The following OR6N1 variants were observed in gnomAD, a reference collection of about 807,000 sequenced individuals.
OR6N1 encodes the protein olfactory receptor family 6 subfamily N member 1, also known as olfactory receptor 6N1.
For missense variants in OR6N1, 394 were observed against 371.7 expected (o/e 1.06, Z -0.49); for synonymous variants, 170 against 150.7 (o/e 1.13, Z -0.94).
At chr1:158,802,199 C>CTT in the OR6N1 span, among the ~76,000 whole-genome samples, 47 of 105,196 alleles carry the variant, frequency 4.5e-4, no homozygotes, top group Non-Finnish European at 7.1e-4. Flanking sequence ...CCTCATAGCA[C>CTT]TTTTTTTTTT....
the OR6N1 span, among the ~76,000 whole-genome samples, chr1:158,807,576 TCAC>T: frequency 2.8e-3 from 431 of 152,284 alleles, 16 homozygotes; most frequent in East Asian, 0.078. Flanking sequence ...CTACATTTGG[TCAC>T]ATAATAACCC....
the OR6N1 span, among the ~76,000 whole-genome samples, chr1:158,826,170 T>C: frequency 6.6e-6 from 1 of 151,992 alleles, no homozygotes; most frequent in South Asian, 2.1e-4. Flanking sequence ...CTATTACATA[T>C]CATGCTAATT....
chr1:158,807,150 G>A, the OR6N1 span, among the ~76,000 whole-genome samples: 2 of 152,036 alleles, frequency 1.3e-5, no homozygotes, highest in Non-Finnish European at 2.9e-5. Flanking sequence ...CAGCTGAAGT[G>A]GATTTAGGGT....
the OR6N1 span, among the ~76,000 whole-genome samples, chr1:158,828,238 A>C: frequency 6.6e-6 from 1 of 152,122 alleles, no homozygotes; most frequent in Admixed American, 6.6e-5. Context: ...CCTTCCCAAC[A>C]GTCCCCCAAA....
chr1:158,778,943 CG>C, the OR6N1 span, among the ~76,000 whole-genome samples: 2 of 142,488 alleles, frequency 1.4e-5, no homozygotes, highest in East Asian at 4.4e-4. Context: ...GGAGTGAACC[CG>C]GGAGGTGGAG....
intron 1 of OR6N1, among the ~76,000 whole-genome samples, chr1:158,767,723 A>C (rs768531982): frequency 2.0e-5 from 3 of 152,208 alleles, no homozygotes; most frequent in Non-Finnish European, 4.4e-5. Flanking sequence ...CAAGAGCCTT[A>C]AATTCTTTCT....
the OR6N1 span, among the ~76,000 whole-genome samples, chr1:158,780,365 T>C: frequency 1.4e-3 from 211 of 152,284 alleles, no homozygotes; most frequent in African/African-American, 4.8e-3. Context: ...CCCCAAATTA[T>C]TGCATGATCA....
At chr1:158,824,004 T>C in the OR6N1 span, among the ~76,000 whole-genome samples, 2 of 152,142 alleles carry the variant, frequency 1.3e-5, no homozygotes, top group Non-Finnish European at 2.9e-5. Context: ...TTAACTTCCA[T>C]GTAATTGTAT....
the OR6N1 span, among the ~76,000 whole-genome samples, chr1:158,836,210 C>G: frequency 2.6e-5 from 4 of 151,906 alleles, no homozygotes; most frequent in African/African-American, 9.7e-5. Flanking sequence ...GTGCCTCTGT[C>G]TGGCTTTGCA....
At chr1:158,788,023 CCTT>C in the OR6N1 span, among the ~76,000 whole-genome samples, 3 of 152,074 alleles carry the variant, frequency 2.0e-5, no homozygotes, top group African/African-American at 7.2e-5. Context: ...TGCTAAGCCT[CCTT>C]TTGAAAGAGA....
At chr1:158,783,345 C>T in the OR6N1 span, among the ~76,000 whole-genome samples, 5 of 152,312 alleles carry the variant, frequency 3.3e-5, no homozygotes, top group African/African-American at 1.2e-4. Context: ...TAGACTGGTT[C>T]ATCACTGTTT....
At chr1:158,807,345 T>A in the OR6N1 span, among the ~76,000 whole-genome samples, 1 of 152,220 alleles carries the variant, frequency 6.6e-6, no homozygotes, top group South Asian at 2.1e-4. Context: ...TCTGTAGGAA[T>A]GAGGAAAATG....
chr1:158,818,273 T>C, the OR6N1 span, among the ~76,000 whole-genome samples: 309 of 152,358 alleles, frequency 2.0e-3, 2 homozygotes, highest in African/African-American at 6.9e-3. Flanking sequence ...TATACATTTA[T>C]ATAGCCACCT....
the OR6N1 span, among the ~76,000 whole-genome samples, chr1:158,818,226 G>A: frequency 1.3e-5 from 2 of 152,084 alleles, no homozygotes; most frequent in Non-Finnish European, 2.9e-5. Flanking sequence ...TGTCATACTG[G>A]ACTAGACACA....
In OR6N1 at chr1:158,766,111, T is replaced by C; in HGVS notation, c.572A>G (p.Asp191Gly). 1 of 1,614,116 alleles carries C rather than the reference T, an allele frequency of 6.2e-7. No individual in the cohort carries two copies. Among genetic ancestry groups the C allele is most frequent in the South Asian group, 1.1e-5 (1 of 91,082 alleles). ...FPPVLSLACT[D>G]TSINVLVDFV... is the part of the protein sequence containing the mutation. The stretch of plus-strand genomic sequence containing the variant: ...ATCTACTAGGACATTTATAGACGTA[T>C]CAGTGCAAGCCAAACTCAGCACAGG... Residue 191 changes from aspartate to glycine, a missense_variant, in exon 2 of 2, where the codon GAT becomes GGT. Asp to Gly is a moderately conservative substitution (Grantham distance 94, BLOSUM62 -1). Transcript: ENST00000641846.
At chr1:158,777,456 G>C in the OR6N1 span, 1 of 1,614,228 alleles carries the variant, frequency 6.2e-7, no homozygotes, top group South Asian at 1.1e-5. Flanking sequence ...TGACAAAGTG[G>C]TACATAGGTG....
At chr1:158,769,475 T>C (rs35008184) in intron 1 of OR6N1, among the ~76,000 whole-genome samples, 45,347 of 152,090 alleles carry the variant, frequency 0.3, 7,312 homozygotes, top group African/African-American at 0.39. Context: ...GAAGATATAA[T>C]TTTTATTTGA....
chr1:158,766,071 G>T lies in OR6N1; in HGVS notation c.612C>A (p.Ser204=), dbSNP rs759770120. ...GCAGGAAGGTGGCTAGGATCTTGCA[G>T]GAATTTATAACAAAATCTACTAGGA... is the stretch of plus-strand genomic sequence containing the variant. ...INVLVDFVIN[S]CKILATFLLI... is the part of the protein sequence containing the mutation. Residue 204 remains serine (S), a synonymous_variant, in exon 2 of 2, where the codon TCC becomes TCA. Coordinates refer to ENST00000641846, the MANE Select transcript of OR6N1 (RefSeq NM_001005185.2). 3 of 1,614,046 alleles carry T rather than the reference G, an allele frequency of 1.9e-6. No homozygotes were observed. The highest frequency in any genetic ancestry group is 1.6e-4 in the Middle Eastern group (1 of 6,084).
chr1:158,778,294 C>T, the OR6N1 span, among the ~76,000 whole-genome samples: 1 of 152,176 alleles, frequency 6.6e-6, no homozygotes, highest in East Asian at 1.9e-4. Flanking sequence ...AAGTACAGAA[C>T]ACTTCAGTGT....
Sources: allele counts gnomAD v4.1 joint callset (sites outside exome capture counted in the v4.1 genomes callset), GRCh38; gene constraint gnomAD v4.1.1; transcripts MANE v1.5; gene names NCBI Gene and HGNC (gene_info 2026-07-23, HGNC 2026-07-21).